Variants in SULF1 observed in about 807,000 individuals in gnomAD.
SULF1 encodes the protein extracellular sulfatase Sulf-1.
Under a neutral mutation model 110.5 loss-of-function variants are expected in SULF1, and 46 were observed. That is an observed-to-expected ratio of 0.42 (90% confidence interval 0.33 to 0.53). The LOEUF (loss-of-function observed/expected upper bound fraction) is 0.53. SULF1 is among the 20% of genes least tolerant of loss of function. SULF1 has a pLI of 0.12. For missense variants in SULF1, 941 were observed against 1,094.2 expected, an observed-to-expected ratio of 0.86 and a Z score of 1.98; for synonymous variants, 371 against 387.1, an observed-to-expected ratio of 0.96 and a Z score of 0.49.
chr8:69,477,276 A>T (rs1017020106), intron 1 of SULF1, among the ~76,000 whole-genome samples: 2 of 152,212 alleles, frequency 1.3e-5, no homozygotes, highest in African/African-American at 4.8e-5. Flanking sequence ...CGGGGGGAAA[A>T]ATAAGCTATA....
intron 3 of SULF1, among the ~76,000 whole-genome samples, chr8:69,502,690 C>CTTTTTTTTTTTTTTTTTT (rs765285613): frequency 1.6e-5 from 2 of 125,912 alleles, no homozygotes; most frequent in African/African-American, 3.0e-5. Flanking sequence ...CTTTTTTTTT[C>CTTTTTTTTTTTTTTTTTT]TTTTTTTTTT....
chr8:69,565,923 C>CCA (rs1285323143), intron 5 of SULF1, among the ~76,000 whole-genome samples: 4 of 152,144 alleles, frequency 2.6e-5, no homozygotes, highest in Non-Finnish European at 5.9e-5. Context: ...ACATCTCATC[C>CCA]CCTCTGCCTT....
intron 3 of SULF1, among the ~76,000 whole-genome samples, chr8:69,528,757 G>A (rs1183559942): frequency 6.6e-6 from 1 of 152,162 alleles, no homozygotes; most frequent in Non-Finnish European, 1.5e-5. Context: ...TCAAAGCAGG[G>A]AAGAAAGCAG....
chr8:69,506,758 G>A (rs139238306), intron 3 of SULF1, among the ~76,000 whole-genome samples: 214 of 152,300 alleles, frequency 1.4e-3, no homozygotes, highest in African/African-American at 4.8e-3. Flanking sequence ...GAAGTTAAGA[G>A]AAAAATAGCT....
At chr8:69,568,538 A>G (rs1804971897) in intron 5 of SULF1, among the ~76,000 whole-genome samples, 1 of 152,246 alleles carries the variant, frequency 6.6e-6, no homozygotes, top group Non-Finnish European at 1.5e-5. Context: ...ATTATTGTGA[A>G]TGAATATTGC....
chr8:69,496,537 T>C (rs1810371750), intron 2 of SULF1, among the ~76,000 whole-genome samples: 1 of 152,228 alleles, frequency 6.6e-6, no homozygotes, highest in African/African-American at 2.4e-5. Context: ...TCACCAAATA[T>C]ATACTTTTGA....
intron 10 of SULF1, among the ~76,000 whole-genome samples, chr8:69,602,968 A>T (rs1807946327): frequency 6.6e-6 from 1 of 152,166 alleles, no homozygotes; most frequent in African/African-American, 2.4e-5. Flanking sequence ...ACAGGGGTGC[A>T]GGCATCTCTC....
At chr8:69,512,048 G>A (rs903446571) in intron 3 of SULF1, among the ~76,000 whole-genome samples, 2 of 152,106 alleles carry the variant, frequency 1.3e-5, no homozygotes, top group African/African-American at 4.8e-5. Flanking sequence ...AAGTATTATG[G>A]AGATGTTTCA....
At chr8:69,651,866 C>G (rs1812368627) in intron 22 of SULF1, among the ~76,000 whole-genome samples, 1 of 152,084 alleles carries the variant, frequency 6.6e-6, no homozygotes, top group Non-Finnish European at 1.5e-5. Context: ...TTTCTTATTA[C>G]TGCTGTAATA....
At chr8:69,551,157 C>T (rs1386216419) in intron 3 of SULF1, among the ~76,000 whole-genome samples, 1 of 152,196 alleles carries the variant, frequency 6.6e-6, no homozygotes, top group Non-Finnish European at 1.5e-5. Context: ...TGAGTCAGGG[C>T]TTTATGAAAA....
At chr8:69,538,538 A>AG (rs1400165120) in intron 3 of SULF1, among the ~76,000 whole-genome samples, 1 of 152,114 alleles carries the variant, frequency 6.6e-6, no homozygotes, top group African/African-American at 2.4e-5. Flanking sequence ...CTGGAAGGCG[A>AG]GGGGGAGTAC....
At chr8:69,510,702 C>T (rs540292324) in intron 3 of SULF1, among the ~76,000 whole-genome samples, 3 of 151,588 alleles carry the variant, frequency 2.0e-5, no homozygotes, top group South Asian at 2.1e-4. Context: ...CTGCAACCTC[C>T]GCCTCCTGGG....
intron 8 of SULF1, among the ~76,000 whole-genome samples, chr8:69,595,256 A>T (rs1409459151): frequency 6.6e-6 from 1 of 152,200 alleles, no homozygotes; most frequent in African/African-American, 2.4e-5. Flanking sequence ...GCTGAAACTC[A>T]ATTCTCTTGG....
At chr8:69,515,454 A>G (rs562160202) in intron 3 of SULF1, among the ~76,000 whole-genome samples, 25 of 152,162 alleles carry the variant, frequency 1.6e-4, no homozygotes, top group Admixed American at 3.3e-4. Flanking sequence ...GGCCTGGCCC[A>G]TGAAACCATT....
At chr8:69,627,359 G>T in intron 16 of SULF1, 53 bp downstream of exon 16, 2 of 1,376,930 alleles carry the variant, frequency 1.5e-6, no homozygotes, top group Non-Finnish European at 2.1e-6. Flanking sequence ...AACTCGGCCT[G>T]CCAGCCCTGC....
chr8:69,565,804 AG>A (rs991742492), intron 5 of SULF1, among the ~76,000 whole-genome samples: 2 of 151,970 alleles, frequency 1.3e-5, no homozygotes, highest in African/African-American at 4.8e-5. Context: ...CCTGTCCCCA[AG>A]GCTGTTTCCC....
At chr8:69,626,149 CCAA>C (rs1810002768) in intron 15 of SULF1, 2 of 45,758 alleles carry the variant, frequency 4.4e-5, no homozygotes, top group African/African-American at 7.8e-5. Context: ...TAAAGGTTCT[CCAA>C]GGCCCCACCA....
At chr8:69,653,942 A>C (rs1232601981) in intron 22 of SULF1, among the ~76,000 whole-genome samples, 1 of 152,240 alleles carries the variant, frequency 6.6e-6, no homozygotes, top group East Asian at 1.9e-4. Flanking sequence ...AGATATTGGC[A>C]CATTCCTAGA....
Position 69,659,468 on chromosome 8 carries a change from T to G in SULF1, c.*933T>G, listed in dbSNP as rs1267890048. 3.1e-6 allele frequency: 1 copy of G among 321,846 alleles called. No individual in the cohort carries two copies. Among genetic ancestry groups the G allele is most frequent in the Non-Finnish European group, 6.0e-6 (1 of 165,772 alleles). The allele number at this position is 321,846 out of a possible 1,614,324, so 19.9% of individuals were successfully genotyped here. A position where few individuals can be genotyped will look rare whatever the true frequency, so the allele number is the denominator to read the frequency against. On this transcript the variant is annotated 3_prime_UTR_variant, in exon 23 of 23. Transcript: ENST00000402687. ...AGCTAGTGAGCATGTGAGCAAGCGG[T>G]GTGCACACGGAGACTCATCGTTATA...
Sources: allele counts gnomAD v4.1 joint callset (sites outside exome capture counted in the v4.1 genomes callset), GRCh38; gene constraint gnomAD v4.1.1; transcripts MANE v1.5; gene names NCBI Gene and HGNC (gene_info 2026-07-23, HGNC 2026-07-21).